BCL2L13: variants seen among roughly 807,000 people sequenced by gnomAD.
BCL2L13 encodes the protein BCL2 like 13, also known as bcl-2-like protein 13.
BCL2L13 carries 13 observed loss-of-function variants against 25.8 expected under a neutral mutation model. The observed-to-expected ratio is 0.50, with a 90% CI of 0.33 to 0.80. The LOEUF (loss-of-function observed/expected upper bound fraction) is 0.80, where lower values mean the gene tolerates loss of function less well. Ranked by LOEUF, BCL2L13 falls within the 30% of genes least tolerant of loss-of-function variation. The probability of loss-of-function intolerance (pLI) is 0.02; values close to 1 mark genes in which losing one functional copy is unlikely to be tolerated. For missense variants in BCL2L13, 504 were observed against 574.9 expected (o/e 0.88, Z 1.26); for synonymous variants, 244 against 230.3 (o/e 1.06, Z -0.54).
chr22:17,674,605 CAAAA>C (rs71201865), intron 2 of BCL2L13, among the ~76,000 whole-genome samples: 22 of 125,186 alleles, frequency 1.8e-4, no homozygotes, highest in Admixed American at 4.1e-4. Context: ...GACTCTGTCT[CAAAA>C]AAAAAAAAAA....
upstream of BCL2L13, among the ~76,000 whole-genome samples, chr22:17,636,998 C>T (rs1196159021): frequency 3.3e-5 from 5 of 152,132 alleles, no homozygotes; most frequent in African/African-American, 9.6e-5. Flanking sequence ...TAGGGCCGGG[C>T]GCGGTGGCGC....
chr22:17,706,692 C>A, intron 6 of BCL2L13: 1 of 1,348,606 alleles, frequency 7.4e-7, no homozygotes. Flanking sequence ...AGGGCACAGA[C>A]TGGTTCATGT....
upstream of BCL2L13, among the ~76,000 whole-genome samples, chr22:17,635,931 C>A (rs181216662): frequency 7.5e-3 from 1,131 of 151,668 alleles, 12 homozygotes; most frequent in African/African-American, 0.025. Context: ...GGATGGTCTC[C>A]ATCTCCTGAC....
chr22:17,662,802 G>A (rs2059116510), intron 2 of BCL2L13, among the ~76,000 whole-genome samples: 2 of 152,074 alleles, frequency 1.3e-5, no homozygotes, highest in African/African-American at 2.4e-5. Flanking sequence ...GCGACAGAGC[G>A]AGACTTTCAA....
At chr22:17,678,219 T>C (rs574764997) in intron 2 of BCL2L13, among the ~76,000 whole-genome samples, 4 of 152,242 alleles carry the variant, frequency 2.6e-5, no homozygotes, top group Non-Finnish European at 5.9e-5. Flanking sequence ...AAACAAGGTC[T>C]AGCTATGTTG....
intron 5 of BCL2L13, among the ~76,000 whole-genome samples, chr22:17,698,180 G>A (rs1183199035): frequency 6.6e-6 from 1 of 151,538 alleles, no homozygotes; most frequent in East Asian, 1.9e-4. Flanking sequence ...GTGCAATCTC[G>A]GCTCACTCAC....
chr22:17,696,053 T>C (rs1263637551), intron 4 of BCL2L13, 88 bp from the exon 5 acceptor site: 7 of 956,254 alleles, frequency 7.3e-6, no homozygotes, highest in Non-Finnish European at 1.0e-5. Context: ...AGCAAAAAGT[T>C]CAACAGAGTA....
chr22:17,710,598 A>G (rs1419863249), intron 6 of BCL2L13, among the ~76,000 whole-genome samples: 1 of 151,638 alleles, frequency 6.6e-6, no homozygotes, highest in Non-Finnish European at 1.5e-5. Flanking sequence ...GTAAATAAAA[A>G]TAAAAAATAA....
intron 6 of BCL2L13, among the ~76,000 whole-genome samples, chr22:17,705,240 T>G (rs2060556252): frequency 6.6e-6 from 1 of 151,550 alleles, no homozygotes; most frequent in African/African-American, 2.4e-5. Context: ...GCCATTGCAC[T>G]CCAGCCTGGG....
intron 6 of BCL2L13, among the ~76,000 whole-genome samples, chr22:17,720,331 C>G (rs2061083354): frequency 6.6e-6 from 1 of 151,898 alleles, no homozygotes; most frequent in South Asian, 2.1e-4. Flanking sequence ...TGTACATCAC[C>G]AAGACCAGCT....
At chr22:17,646,955 A>ATTTATATAT (rs2058510856) in intron 1 of BCL2L13, among the ~76,000 whole-genome samples, 1 of 22,186 alleles carries the variant, frequency 4.5e-5, no homozygotes, top group Non-Finnish European at 7.7e-5. Flanking sequence ...ATATATATAT[A>ATTTATATAT]TTTTTTTTTT....
At chr22:17,643,619 T>A (rs557422623) in intron 1 of BCL2L13, among the ~76,000 whole-genome samples, 185 of 152,246 alleles carry the variant, frequency 1.2e-3, no homozygotes, top group Non-Finnish European at 2.1e-3. Context: ...TTTGCTTTTT[T>A]ATTTTTATTT....
intron 2 of BCL2L13, among the ~76,000 whole-genome samples, chr22:17,679,857 C>T (rs1479471563): frequency 6.6e-6 from 1 of 152,060 alleles, no homozygotes; most frequent in African/African-American, 2.4e-5. Context: ...ACCACAGGTT[C>T]TTAGGCTCCT....
chr22:17,655,218 AC>A (rs2058815668), intron 1 of BCL2L13, among the ~76,000 whole-genome samples: 1 of 150,712 alleles, frequency 6.6e-6, no homozygotes, highest in African/African-American at 2.4e-5. Context: ...AGGCAGTAAC[AC>A]CCATGGAGTT....
rs1210328033 is a variant in BCL2L13 at position 17,649,430 on chromosome 22, A to G, written c.-50-6232A>G. Among the ~76,000 whole-genome samples the G allele has an allele frequency of 3.3e-5, 5 of 151,958 alleles. No individual in the cohort carries two copies. In the East Asian group the frequency reaches 9.7e-4, roughly 29 times the overall value. On this transcript the variant is annotated intron_variant, in intron 1 of 6. Coordinates refer to ENST00000317582, the MANE Select transcript of BCL2L13 (RefSeq NM_015367.4). ...AATTTAAAGCATTTATTCAAAATGT[A>G]AATACTTTCTTCTTCCTGCTACCAA...
At chr22:17,714,644 G>C (rs1044438797) in intron 6 of BCL2L13, among the ~76,000 whole-genome samples, 1 of 152,138 alleles carries the variant, frequency 6.6e-6, no homozygotes, top group African/African-American at 2.4e-5. Context: ...AACGTAGAAA[G>C]GTGTTTATTA....
At chr22:17,664,362 G>C (rs1482179091) in intron 2 of BCL2L13, among the ~76,000 whole-genome samples, 1 of 152,206 alleles carries the variant, frequency 6.6e-6, no homozygotes, top group Non-Finnish European at 1.5e-5. Flanking sequence ...CAAGAGGTGG[G>C]TTCCCATGGC....
chr22:17,677,717 C>T (rs1484365123), intron 2 of BCL2L13, among the ~76,000 whole-genome samples: 1 of 152,066 alleles, frequency 6.6e-6, no homozygotes, highest in Non-Finnish European at 1.5e-5. Flanking sequence ...ACCAAAAATA[C>T]AAAAATTAGC....
chr22:17,664,818 C>G (rs2059185750), intron 2 of BCL2L13, among the ~76,000 whole-genome samples: 1 of 152,206 alleles, frequency 6.6e-6, no homozygotes, highest in African/African-American at 2.4e-5. Flanking sequence ...TACCTTGGCC[C>G]CTTTAGCCAC....
Sources: gnomAD v4.1 joint callset for allele counts (sites outside exome capture counted in the v4.1 genomes callset) on GRCh38, gnomAD v4.1.1 for gene constraint, MANE v1.5 for transcripts, NCBI Gene and HGNC (gene_info 2026-07-23, HGNC 2026-07-21) for gene names.